The following ARHGAP20 variants were observed in gnomAD, a reference collection of about 807,000 sequenced individuals.
ARHGAP20 encodes the protein Rho GTPase activating protein 20.
A neutral mutation model predicts 73.7 loss-of-function variants in ARHGAP20; 34 were observed. The observed-to-expected ratio is 0.46, with a 90% CI of 0.35 to 0.61. The LOEUF (loss-of-function observed/expected upper bound fraction) is 0.61, where lower values mean the gene tolerates loss of function less well. ARHGAP20 is among the 20% of genes least tolerant of loss of function. The pLI is 0.00. For synonymous variants in ARHGAP20, 523 were observed against 518.2 expected (o/e 1.01, Z -0.13); for missense variants, 1,314 against 1,420.9 (o/e 0.92, Z 1.21).
At chr11:110,697,330 T>A (rs578156565) in intron 1 of ARHGAP20, among the ~76,000 whole-genome samples, 1 of 151,844 alleles carries the variant, frequency 6.6e-6, no homozygotes, top group East Asian at 1.9e-4. Context: ...ATTTCTCTGA[T>A]TAGTGATTTT....
intron 1 of ARHGAP20, among the ~76,000 whole-genome samples, chr11:110,705,332 G>A (rs1428736461): frequency 3.3e-5 from 5 of 151,950 alleles, no homozygotes; most frequent in Non-Finnish European, 7.4e-5. Context: ...CCGCCCTTTC[G>A]CCAAATCATA....
intron 8 of ARHGAP20, among the ~76,000 whole-genome samples, chr11:110,608,021 C>T (rs1948274593): frequency 6.6e-6 from 1 of 152,138 alleles, no homozygotes; most frequent in South Asian, 2.1e-4. Flanking sequence ...GTCTTTAGCT[C>T]TGTGCATGAT....
chr11:110,634,017 G>A (rs148582884), intron 2 of ARHGAP20, among the ~76,000 whole-genome samples: 6 of 152,218 alleles, frequency 3.9e-5, no homozygotes, highest in African/African-American at 1.4e-4. Flanking sequence ...AGAGATGAAG[G>A]GAAGAGAACC....
rs533563613 is a variant in ARHGAP20, at chr11:110,625,039, T to A, written c.354-728A>T. Among the ~76,000 whole-genome samples the A allele has an allele frequency of 2.8e-3, 395 of 141,900 alleles. 9 individuals carry two copies. The highest frequency in any genetic ancestry group is 0.013 in the East Asian group (68 of 5,078). The allele number at this position is 141,900 out of a possible 152,430, so 93.1% of individuals were successfully genotyped here. A position where few individuals can be genotyped will look rare whatever the true frequency, so the allele number is the denominator to read the frequency against. On this transcript the variant is annotated intron_variant, in intron 3 of 14. Transcript: ENST00000683387. ...TTTTTTATTTTTATTTTTATTTTTT[T>A]TTTTTTTTTGAGACGGAGTCTCGCT... is the stretch of plus-strand genomic sequence containing the variant.
At chr11:110,640,566 A>G (rs941197898) in intron 2 of ARHGAP20, among the ~76,000 whole-genome samples, 4 of 152,088 alleles carry the variant, frequency 2.6e-5, no homozygotes, top group Non-Finnish European at 5.9e-5. Flanking sequence ...ATCTAGAATT[A>G]AAAGTATATT....
intron 2 of ARHGAP20, among the ~76,000 whole-genome samples, chr11:110,683,311 T>C (rs1324763234): frequency 6.6e-6 from 1 of 152,144 alleles, no homozygotes; most frequent in Non-Finnish European, 1.5e-5. Context: ...TTTTGCTGCA[T>C]GAAATTACTT....
chr11:110,592,233 T>G (rs1947847182), intron 9 of ARHGAP20, 78 bp from the exon 10 acceptor site: 1 of 1,373,776 alleles, frequency 7.3e-7, no homozygotes, highest in African/African-American at 1.4e-5. Flanking sequence ...TTTTATGGTA[T>G]GTTTGTTGCT....
chr11:110,593,846 A>G (rs1288433818), intron 9 of ARHGAP20, among the ~76,000 whole-genome samples: 1 of 152,264 alleles, frequency 6.6e-6, no homozygotes, highest in African/African-American at 2.4e-5. Context: ...AGGAGCCATA[A>G]TGCCTAGGCA....
At chr11:110,627,030 G>A (rs141089618) in intron 3 of ARHGAP20, among the ~76,000 whole-genome samples, 47 of 152,116 alleles carry the variant, frequency 3.1e-4, no homozygotes, top group African/African-American at 1.0e-3. Flanking sequence ...ATAGTATTAT[G>A]ACAACAGGAA....
Position 110,577,794 on chromosome 11 carries a change from C to T in ARHGAP20, c.*1576G>A. 2.0e-6 allele frequency: 2 copies of T among 985,704 alleles called. No homozygotes were observed. Among genetic ancestry groups the T allele is most frequent in the Non-Finnish European group, 2.4e-6 (2 of 829,898 alleles). The allele number at this position is 985,704 out of a possible 1,614,324, so 61.1% of individuals were successfully genotyped here. ...CCATGTCCCCAAGAGGTAGGTAGCACCTATAGCTAATACTGAAATAACTTC... is the reference window on the plus strand; with the variant it reads ...CCATGTCCCCAAGAGGTAGGTAGCATCTATAGCTAATACTGAAATAACTTC... On this transcript the variant is annotated 3_prime_UTR_variant, in exon 15 of 15. Coordinates refer to ENST00000683387, the MANE Select transcript of ARHGAP20 (RefSeq NM_001384657.1).
chr11:110,638,951 G>C (rs1949024533), intron 2 of ARHGAP20, among the ~76,000 whole-genome samples: 1 of 152,044 alleles, frequency 6.6e-6, no homozygotes, highest in Admixed American at 6.6e-5. Context: ...GAATACATAT[G>C]TAACTAACCT....
At chr11:110,610,638 T>C (rs561566638) in intron 7 of ARHGAP20, among the ~76,000 whole-genome samples, 1 of 152,230 alleles carries the variant, frequency 6.6e-6, no homozygotes, top group South Asian at 2.1e-4. Flanking sequence ...CATCCTCAAA[T>C]GTTCTAATCT....
chr11:110,582,390 A>C lies in ARHGAP20; in HGVS notation c.1651T>G (p.Phe551Val). ...QFLIENCLRIFGEEITSLFRE... is the reference protein window; with the variant it reads ...QFLIENCLRIVGEEITSLFRE... ...AAGAGGGAAGTGATTTCTTCTCCAA[A>C]TATCCTAAGGCAATTCTCAATCAGA... Residue 551 changes from phenylalanine to valine, a missense_variant, in exon 14 of 15, where the codon TTT (phenylalanine) becomes GTT (valine). Phe to Val is a conservative substitution (Grantham distance 50). Transcript: ENST00000683387. The C allele has an allele frequency of 6.2e-7, 1 of 1,614,008 alleles. No homozygotes were observed. The highest frequency in any genetic ancestry group is 1.3e-5 in the African/African-American group (1 of 75,064).
intron 11 of ARHGAP20, among the ~76,000 whole-genome samples, chr11:110,588,671 T>C (rs1947737505): frequency 6.6e-6 from 1 of 152,204 alleles, no homozygotes; most frequent in South Asian, 2.1e-4. Context: ...ATTTGAAACA[T>C]AATTTAACTC....
chr11:110,628,152 C>T (rs1239879534), intron 3 of ARHGAP20, among the ~76,000 whole-genome samples: 1 of 152,120 alleles, frequency 6.6e-6, no homozygotes, highest in Admixed American at 6.5e-5. Flanking sequence ...TTCTCTAGGC[C>T]CAACCTAAGG....
chr11:110,641,582 T>G (rs1055749909), intron 2 of ARHGAP20, among the ~76,000 whole-genome samples: 3 of 151,966 alleles, frequency 2.0e-5, no homozygotes, highest in African/African-American at 7.2e-5. Flanking sequence ...TGGCATCCCT[T>G]TAAGAATAGT....
chr11:110,619,390 T>TA (rs1309840468), intron 4 of ARHGAP20, among the ~76,000 whole-genome samples: 1 of 150,476 alleles, frequency 6.6e-6, no homozygotes, highest in African/African-American at 2.5e-5. Flanking sequence ...TATGCAGTGA[T>TA]AGAGTATATG....
chr11:110,693,605 TATCTC>T (rs1950282282), intron 1 of ARHGAP20, among the ~76,000 whole-genome samples: 1 of 151,926 alleles, frequency 6.6e-6, no homozygotes, highest in Non-Finnish European at 1.5e-5. Context: ...AAAATACACT[TATCTC>T]TTTCTTTTGC....
intron 2 of ARHGAP20, among the ~76,000 whole-genome samples, chr11:110,673,681 G>T (rs1340931204): frequency 6.6e-6 from 1 of 152,128 alleles, no homozygotes; most frequent in Non-Finnish European, 1.5e-5. Flanking sequence ...CTGAACCATT[G>T]TGTCACTTTC....
Sources: allele counts gnomAD v4.1 joint callset (sites outside exome capture counted in the v4.1 genomes callset), GRCh38; gene constraint gnomAD v4.1.1; transcripts MANE v1.5; gene names NCBI Gene and HGNC (gene_info 2026-07-23, HGNC 2026-07-21).